Variants in AXDND1 observed in about 807,000 individuals in gnomAD.
AXDND1 encodes the protein axonemal dynein light chain domain-containing protein 1.
A neutral mutation model predicts 137.5 loss-of-function variants in AXDND1; 110 were observed. The ratio of observed to expected loss-of-function variants is 0.80; its 90% CI spans 0.69 to 0.94. AXDND1 has a LOEUF of 0.94. Among genes scored for constraint, AXDND1 ranks in the 40% least tolerant of loss-of-function variants. The pLI is 0.00. For missense variants in AXDND1, 1,191 were observed against 1,169.8 expected, an observed-to-expected ratio of 1.02 and a Z score of -0.26; for synonymous variants, 414 against 399.7, an observed-to-expected ratio of 1.04 and a Z score of -0.43.
intron 23 of AXDND1, among the ~76,000 whole-genome samples, chr1:179,529,156 G>A (rs11805875): frequency 0.046 from 7,004 of 152,286 alleles, 245 homozygotes; most frequent in Non-Finnish European, 0.07. Context: ...CTCTAGATCA[G>A]TGTCTTACTC....
chr1:179,535,293 A>T (rs957799838), intron 25 of AXDND1, among the ~76,000 whole-genome samples: 1 of 152,012 alleles, frequency 6.6e-6, no homozygotes, highest in Non-Finnish European at 1.5e-5. Context: ...GTACATAGGT[A>T]TACATGTGCC....
chr1:179,486,640 A>C (rs7544503), intron 18 of AXDND1, among the ~76,000 whole-genome samples: 51,210 of 148,222 alleles, frequency 0.35, 11,587 homozygotes, highest in Middle Eastern at 0.45. Context: ...TGTCAGCAGA[A>C]ATCCTACAAG....
chr1:179,515,513 T>A (rs1006796195), intron 21 of AXDND1, among the ~76,000 whole-genome samples: 9 of 152,156 alleles, frequency 5.9e-5, no homozygotes, highest in African/African-American at 1.9e-4. Context: ...GATTCTTTTC[T>A]TCGTCTTAAC....
intron 25 of AXDND1, among the ~76,000 whole-genome samples, chr1:179,536,371 C>T (rs1445872043): frequency 6.6e-6 from 1 of 152,156 alleles, no homozygotes; most frequent in African/African-American, 2.4e-5. Flanking sequence ...TTTAATCCAT[C>T]TTGAGTTAAT....
chr1:179,509,760 G>C (rs1309498315), intron 21 of AXDND1, among the ~76,000 whole-genome samples: 1 of 151,954 alleles, frequency 6.6e-6, no homozygotes, highest in African/African-American at 2.4e-5. Context: ...TTCTTCCTTC[G>C]AGCACTTAAT....
intron 11 of AXDND1, among the ~76,000 whole-genome samples, chr1:179,400,111 A>T (rs181959114): frequency 6.6e-6 from 1 of 152,248 alleles, no homozygotes; most frequent in Non-Finnish European, 1.5e-5. Flanking sequence ...TATGAAAAAG[A>T]TACTTGCATG....
chr1:179,470,147 TA>T (rs995705916), intron 17 of AXDND1, among the ~76,000 whole-genome samples: 1 of 152,182 alleles, frequency 6.6e-6, no homozygotes, highest in Non-Finnish European at 1.5e-5. Flanking sequence ...TCTGAATGAT[TA>T]ATTCTATCAC....
At chr1:179,519,432 T>C (rs2125670250) in intron 21 of AXDND1, among the ~76,000 whole-genome samples, 1 of 152,342 alleles carries the variant, frequency 6.6e-6, no homozygotes, top group East Asian at 1.9e-4. Flanking sequence ...TGCAATTGTT[T>C]TTGGCATCTT....
In AXDND1 at chr1:179,542,388, C is replaced by T. The variant is rs929205378; in HGVS notation, c.3031+7426C>T. On this transcript the variant is annotated intron_variant, in intron 25 of 25. Transcript: ENST00000367618. ...GAAGTTAGCCAACTGCTCGCAGCCCCTGGCCCTAGGTACAGGGACATTAAC... is the reference window on the plus strand; with the variant it reads ...GAAGTTAGCCAACTGCTCGCAGCCCTTGGCCCTAGGTACAGGGACATTAAC... Among the ~76,000 whole-genome samples the T allele has an allele frequency of 3.3e-5, 5 of 152,300 alleles. No homozygotes were observed. The East Asian group carries it at 7.7e-4, about 24-fold the overall frequency.
At chr1:179,516,863 G>A (rs867541738) in intron 21 of AXDND1, among the ~76,000 whole-genome samples, 8 of 152,272 alleles carry the variant, frequency 5.3e-5, no homozygotes, top group South Asian at 2.1e-4. Context: ...AGGTGGCAGC[G>A]GGGGTGAAAC....
chr1:179,432,154 T>C lies in AXDND1; in HGVS notation c.1488-113T>C, dbSNP rs552592797. ...GAGGGGCTGGACCTGGAAGGCATGC[T>C]TCAAAATTATTGAGGAGAAATATGT... On this transcript the variant is annotated intron_variant, in intron 14 of 25. Transcript: ENST00000367618. The C allele has an allele frequency of 7.4e-6, 10 of 1,349,224 alleles. No individual in the cohort carries two copies. In the East Asian group the frequency reaches 2.7e-4, roughly 36 times the overall value. The allele number at this position is 1,349,224 out of a possible 1,614,324, so 83.6% of individuals were successfully genotyped here.
At chr1:179,471,230 A>G (rs1280488138) in intron 17 of AXDND1, among the ~76,000 whole-genome samples, 2 of 152,134 alleles carry the variant, frequency 1.3e-5, no homozygotes, top group African/African-American at 4.8e-5. Flanking sequence ...TCAATGTAAT[A>G]CTGGCTTCAT....
At position 179,524,936 on chromosome 1, in the gene AXDND1, T is replaced by C. The variant is rs576452751; in HGVS notation, c.2497-398T>C. ...CTGATTGCACTCCTATTCATTTGTC[T>C]CCCAGTTTTTGTCCTATTGAACTAT... On this transcript the variant is annotated intron_variant, in intron 21 of 25. Transcript: ENST00000367618. Among the ~76,000 whole-genome samples the C allele has an allele frequency of 1.2e-4, 19 of 152,320 alleles. No homozygotes were observed. The East Asian group carries it at 3.7e-3, about 29-fold the overall frequency.
At chr1:179,546,168 T>A (rs1361287209) in intron 25 of AXDND1, 1 of 152,082 alleles carries the variant, frequency 6.6e-6, no homozygotes, top group Non-Finnish European at 1.5e-5. Flanking sequence ...GAACCAGGGA[T>A]GTTGAGAAGA....
At chr1:179,538,886 T>A (rs544698152) in intron 25 of AXDND1, among the ~76,000 whole-genome samples, 6,986 of 152,288 alleles carry the variant, frequency 0.046, 238 homozygotes, top group Non-Finnish European at 0.07. Flanking sequence ...CTGTATTGGG[T>A]GCATATATAT....
chr1:179,370,239 C>T (rs1667911420), intron 4 of AXDND1, among the ~76,000 whole-genome samples, 161 bp downstream of exon 4: 2 of 152,136 alleles, frequency 1.3e-5, no homozygotes, highest in South Asian at 2.1e-4. Flanking sequence ...GGCCAAAGAC[C>T]ATCTTTTTGT....
chr1:179,366,654 A>C (rs759679113), intron 2 of AXDND1, 48 bp downstream of exon 2: 3 of 1,477,326 alleles, frequency 2.0e-6, no homozygotes, highest in Admixed American at 1.7e-5. Flanking sequence ...GCCGTAAGAC[A>C]GAAATCACCT....
chr1:179,505,447 G>A (rs551852899), intron 20 of AXDND1, among the ~76,000 whole-genome samples: 14 of 152,286 alleles, frequency 9.2e-5, no homozygotes, highest in African/African-American at 3.1e-4. Flanking sequence ...GAGGTCGGGA[G>A]TTTGAGACCA....
At chr1:179,395,932 G>A (rs1486738062) in intron 11 of AXDND1, among the ~76,000 whole-genome samples, 1 of 152,136 alleles carries the variant, frequency 6.6e-6, no homozygotes, top group East Asian at 1.9e-4. Flanking sequence ...ACTTTGGGAG[G>A]CTGAGGCAGG....
Sources: allele counts gnomAD v4.1 joint callset (sites outside exome capture counted in the v4.1 genomes callset), GRCh38; gene constraint gnomAD v4.1.1; transcripts MANE v1.5; gene names NCBI Gene and HGNC (gene_info 2026-07-23, HGNC 2026-07-21).